CFAP54: variants seen among roughly 807,000 people sequenced by gnomAD.
CFAP54 encodes the protein cilia- and flagella-associated protein 54.
A neutral mutation model predicts 370.4 loss-of-function variants in CFAP54; 290 were observed. The ratio of observed to expected loss-of-function variants is 0.78; its 90% CI spans 0.71 to 0.86. CFAP54 has a LOEUF of 0.86. Ranked by LOEUF, CFAP54 falls within the 40% of genes least tolerant of loss-of-function variation. The probability of loss-of-function intolerance (pLI) is 0.00; values close to 1 mark genes in which losing one functional copy is unlikely to be tolerated. For missense variants in CFAP54, 3,399 were observed against 3,528.7 expected (o/e 0.96, Z 0.93); for synonymous variants, 1,206 against 1,236.5 (o/e 0.98, Z 0.52).
chr12:96,527,533 T>G, intron 9 of CFAP54, 89 bp downstream of exon 9: 5 of 755,818 alleles, frequency 6.6e-6, no homozygotes, highest in Non-Finnish European at 9.6e-6. Flanking sequence ...CATAGGAAAC[T>G]GATAACATTT....
At chr12:96,734,386 T>C (rs901530573) in intron 50 of CFAP54, among the ~76,000 whole-genome samples, 1 of 152,204 alleles carries the variant, frequency 6.6e-6, no homozygotes, top group African/African-American at 2.4e-5. Flanking sequence ...GCAGGGATTC[T>C]TGTTTGTCTT....
At chr12:96,578,253 A>G (rs1176713628) in intron 20 of CFAP54, among the ~76,000 whole-genome samples, 3 of 152,194 alleles carry the variant, frequency 2.0e-5, no homozygotes, top group African/African-American at 7.2e-5. Context: ...TGGCAAATGG[A>G]CATCAGTGAG....
chr12:96,626,689 G>T, intron 29 of CFAP54, 124 bp from the exon 30 acceptor site: 1 of 465,548 alleles, frequency 2.1e-6, no homozygotes, highest in African/African-American at 2.0e-5. Context: ...TTAAAATGGA[G>T]AAATCTAAAA....
At chr12:96,503,437 T>C in intron 2 of CFAP54, among the ~76,000 whole-genome samples, 1 of 132,488 alleles carries the variant, frequency 7.5e-6, no homozygotes. Flanking sequence ...CCCTTCCTTC[T>C]TTCCTTCCTT....
chr12:96,583,991 G>T (rs1956053738), intron 22 of CFAP54, among the ~76,000 whole-genome samples: 2 of 152,172 alleles, frequency 1.3e-5, no homozygotes, highest in South Asian at 4.1e-4. Flanking sequence ...TGTATTGGCA[G>T]TAGAGTTTGA....
chr12:96,754,839 G>T (rs191613093), intron 56 of CFAP54, among the ~76,000 whole-genome samples: 88 of 152,106 alleles, frequency 5.8e-4, no homozygotes, highest in Non-Finnish European at 9.6e-4. Flanking sequence ...CGCCTCCTGG[G>T]TTCAAGCAAT....
intron 30 of CFAP54, 69 bp from the exon 31 acceptor site, chr12:96,630,024 A>T: frequency 1.6e-6 from 1 of 638,648 alleles, no homozygotes; most frequent in Non-Finnish European, 2.6e-6. Context: ...AACTTTAAAG[A>T]CATATTACTT....
chr12:96,592,415 CA>C (rs1956134724), intron 23 of CFAP54, 74 bp from the exon 24 acceptor site: 2 of 378,776 alleles, frequency 5.3e-6, no homozygotes, highest in South Asian at 1.7e-4. Flanking sequence ...ATACTGAGAA[CA>C]AATCAATGTA....
chr12:96,674,153 C>T (rs1390922758), intron 39 of CFAP54, among the ~76,000 whole-genome samples: 1 of 152,004 alleles, frequency 6.6e-6, no homozygotes, highest in East Asian at 1.9e-4. Context: ...AATTTTCAGC[C>T]CTTTGGCAGG....
chr12:96,645,601 T>A (rs1956779045), intron 33 of CFAP54: 1 of 153,390 alleles, frequency 6.5e-6, no homozygotes. Context: ...AAAAACTACT[T>A]TAAAGTTCAT....
At chr12:96,852,740 A>G (rs1959584457) in intron 66 of CFAP54, among the ~76,000 whole-genome samples, 1 of 152,084 alleles carries the variant, frequency 6.6e-6, no homozygotes, top group African/African-American at 2.4e-5. Context: ...TTTTATATAT[A>G]CCCCAACAAA....
chr12:96,566,428 G>A (rs1955865822), intron 19 of CFAP54, among the ~76,000 whole-genome samples: 1 of 152,160 alleles, frequency 6.6e-6, no homozygotes, highest in African/African-American at 2.4e-5. Context: ...ACATTATCCT[G>A]ATGTGGTGTT....
At chr12:96,856,681 T>C (rs947294402) in intron 66 of CFAP54, among the ~76,000 whole-genome samples, 1 of 152,202 alleles carries the variant, frequency 6.6e-6, no homozygotes, top group African/African-American at 2.4e-5. Context: ...TCTAGGAACT[T>C]CCAAACTTTC....
chr12:96,574,259 A>T (rs1592858242), intron 19 of CFAP54, among the ~76,000 whole-genome samples: 1 of 152,090 alleles, frequency 6.6e-6, no homozygotes, highest in Admixed American at 6.6e-5. Flanking sequence ...CAACCTCAAC[A>T]TGTCTTCTGT....
intron 32 of CFAP54, among the ~76,000 whole-genome samples, chr12:96,641,302 A>G (rs147701973): frequency 0.011 from 1,682 of 152,378 alleles, 28 homozygotes; most frequent in African/African-American, 0.039. Flanking sequence ...GAAGACATCT[A>G]TGCAGCCAAA....
At chr12:96,831,307 G>C (rs1276827722) in intron 66 of CFAP54, among the ~76,000 whole-genome samples, 1 of 152,206 alleles carries the variant, frequency 6.6e-6, no homozygotes, top group Non-Finnish European at 1.5e-5. Context: ...TTTAGATTTT[G>C]TTGAGTGCTA....
intron 55 of CFAP54, among the ~76,000 whole-genome samples, chr12:96,747,011 T>TA (rs751148794): frequency 6.6e-6 from 1 of 152,232 alleles, no homozygotes; most frequent in Non-Finnish European, 1.5e-5. Context: ...TTGTAATGCT[T>TA]ACCATGTTGG....
intron 55 of CFAP54, among the ~76,000 whole-genome samples, chr12:96,753,331 G>T (rs965805448): frequency 3.6e-4 from 54 of 152,096 alleles, no homozygotes; most frequent in Admixed American, 3.3e-3. Flanking sequence ...CCACTATAAT[G>T]CTTAATAGAA....
chr12:96,792,798 T>C (rs1958716701), intron 63 of CFAP54, among the ~76,000 whole-genome samples: 1 of 152,068 alleles, frequency 6.6e-6, no homozygotes, highest in African/African-American at 2.4e-5. Flanking sequence ...AAAGAATTTT[T>C]TTACTGCTAT....
Sources: allele counts gnomAD v4.1 joint callset (sites outside exome capture counted in the v4.1 genomes callset), GRCh38; gene constraint gnomAD v4.1.1; transcripts MANE v1.5; gene names NCBI Gene and HGNC (gene_info 2026-07-23, HGNC 2026-07-21).